GPAM: variants seen among roughly 807,000 people sequenced by gnomAD.
GPAM encodes glycerol-3-phosphate acyltransferase 1, mitochondrial.
Under a neutral mutation model 105.0 loss-of-function variants are expected in GPAM, and 56 were observed. That is an observed-to-expected ratio of 0.53 (90% CI 0.43 to 0.67). The LOEUF (loss-of-function observed/expected upper bound fraction) is 0.67. GPAM is among the 30% of genes least tolerant of loss of function. The probability of loss-of-function intolerance (pLI) is 0.00; values close to 1 mark genes in which losing one functional copy is unlikely to be tolerated. For missense variants in GPAM, 855 were observed against 989.8 expected (o/e 0.86, Z 1.83); for synonymous variants, 368 against 354.4 (o/e 1.04, Z -0.43).
upstream of GPAM, among the ~76,000 whole-genome samples, chr10:112,184,965 C>A (rs1323081546): frequency 6.6e-6 from 1 of 152,132 alleles, no homozygotes; most frequent in African/African-American, 2.4e-5. Context: ...AAAGTTTGCA[C>A]AGGGTAGGAA....
chr10:112,182,309 G>A (rs974243937), intron 2 of GPAM, among the ~76,000 whole-genome samples: 1 of 152,082 alleles, frequency 6.6e-6, no homozygotes, highest in East Asian at 1.9e-4. Context: ...TTAAGTTCCC[G>A]TACTTAAATT....
At chr10:112,204,043 T>C (rs1847831508) in intron 1 of GPAM, among the ~76,000 whole-genome samples, 1 of 152,116 alleles carries the variant, frequency 6.6e-6, no homozygotes, top group Non-Finnish European at 1.5e-5. Context: ...GTGGAGGAGA[T>C]GGCACAGCAG....
intron 11 of GPAM, among the ~76,000 whole-genome samples, chr10:112,167,989 C>G (rs1564677874): frequency 6.6e-6 from 1 of 152,180 alleles, no homozygotes; most frequent in Non-Finnish European, 1.5e-5. Flanking sequence ...GGAGAACAAA[C>G]CGCAGATAAC....
upstream of GPAM, chr10:112,183,810 G>C (rs1452798767): frequency 6.6e-6 from 1 of 152,332 alleles, no homozygotes; most frequent in African/African-American, 2.4e-5. Flanking sequence ...CGGGGCCGCC[G>C]GCTAGCCAGC....
chr10:112,165,357 C>T (rs1172050094), intron 12 of GPAM, among the ~76,000 whole-genome samples: 1 of 152,158 alleles, frequency 6.6e-6, no homozygotes, highest in African/African-American at 2.4e-5. Flanking sequence ...GGATTCTACA[C>T]AATAGGACAT....
At chr10:112,225,483 C>T in the GPAM span, among the ~76,000 whole-genome samples, 2 of 152,278 alleles carry the variant, frequency 1.3e-5, no homozygotes, top group South Asian at 4.1e-4. Flanking sequence ...CCTACCTATG[C>T]CAGCCAGTCA....
intron 14 of GPAM, among the ~76,000 whole-genome samples, chr10:112,163,126 A>G (rs1030265990): frequency 3.9e-5 from 6 of 152,232 alleles, no homozygotes; most frequent in Non-Finnish European, 4.4e-5. Context: ...ACAATTGTAC[A>G]GCTTGGAACT....
chr10:112,162,542 T>A (rs1180308696), intron 14 of GPAM, among the ~76,000 whole-genome samples: 1 of 152,162 alleles, frequency 6.6e-6, no homozygotes, highest in Admixed American at 6.5e-5. Context: ...TAATCTTAAA[T>A]CACGATAACA....
At chr10:112,199,899 T>C (rs145762365) in intron 1 of GPAM, among the ~76,000 whole-genome samples, 2,447 of 152,084 alleles carry the variant, frequency 0.016, 53 homozygotes, top group African/African-American at 0.056. Flanking sequence ...ACTTGACACG[T>C]GGGGATTATT....
chr10:112,206,675 C>T (rs1293497523), intron 1 of GPAM, among the ~76,000 whole-genome samples: 3 of 77,744 alleles, frequency 3.9e-5, no homozygotes, highest in African/African-American at 1.1e-4. Context: ...GTGGTGGGGT[C>T]GGGGGAGGGG....
intron 5 of GPAM, among the ~76,000 whole-genome samples, chr10:112,176,710 C>T (rs1217946544): frequency 6.6e-6 from 1 of 152,214 alleles, no homozygotes; most frequent in Non-Finnish European, 1.5e-5. Context: ...TCCAAGCTCT[C>T]TATGAAATCC....
upstream of GPAM, among the ~76,000 whole-genome samples, chr10:112,185,962 A>G (rs1847591777): frequency 6.6e-6 from 1 of 152,180 alleles, no homozygotes; most frequent in African/African-American, 2.4e-5. Context: ...GGACAGAAAA[A>G]AGCATTTGAA....
upstream of GPAM, among the ~76,000 whole-genome samples, chr10:112,216,260 A>T (rs1361863645): frequency 6.6e-6 from 1 of 152,178 alleles, no homozygotes; most frequent in Non-Finnish European, 1.5e-5. Context: ...TTCAACAGTT[A>T]TTTATTTTGC....
At chr10:112,178,340 A>G (rs975609490) in intron 4 of GPAM, among the ~76,000 whole-genome samples, 2 of 152,142 alleles carry the variant, frequency 1.3e-5, no homozygotes, top group African/African-American at 4.8e-5. Flanking sequence ...ACCTGAGGTC[A>G]TTAGTTTGAG....
chr10:112,155,213 G>A, intron 20 of GPAM: 1 of 170,256 alleles, frequency 5.9e-6, no homozygotes, highest in African/African-American at 2.4e-5. Context: ...ATTCCTTTTG[G>A]CTCTAAAAAG....
At chr10:112,153,870 T>G (rs2803607) in intron 21 of GPAM, 1,430 of 15,270 alleles carry the variant, frequency 0.094, 21 homozygotes, top group African/African-American at 0.44. Flanking sequence ...TCTTTTTCTA[T>G]TTTTTTTTTT....
Position 112,150,132 on chromosome 10 carries a change from G to C in GPAM, c.*3418C>G, listed in dbSNP as rs546958313. On this transcript the variant is annotated 3_prime_UTR_variant, in exon 22 of 22. Coordinates refer to ENST00000348367, the MANE Select transcript of GPAM (RefSeq NM_001244949.2). ...GAATCTCTTTCAAATGCAATCATTA[G>C]TTTGTATTAAACTAAAATGCCAGAC... The C allele has an allele frequency of 1.2e-4, 118 of 984,172 alleles. No homozygotes were observed. In the South Asian group the frequency reaches 4.9e-3, roughly 41 times the overall value. The allele number at this position is 984,172 out of a possible 1,614,324, so 61.0% of individuals were successfully genotyped here. A position where few individuals can be genotyped will look rare whatever the true frequency, so the allele number is the denominator to read the frequency against.
At chr10:112,188,293 T>G (rs1224197750), upstream of GPAM, among the ~76,000 whole-genome samples, 1 of 152,148 alleles carries the variant, frequency 6.6e-6, no homozygotes, top group Non-Finnish European at 1.5e-5. Context: ...CTAGCCAGAT[T>G]CATAAGGAAA....
intron 8 of GPAM, 146 bp downstream of exon 8, chr10:112,172,824 C>A: frequency 1.5e-6 from 1 of 675,416 alleles, no homozygotes. Context: ...CCCAAATACA[C>A]AGCTATTGAA....
Sources: gnomAD v4.1 joint callset for allele counts (sites outside exome capture counted in the v4.1 genomes callset) on GRCh38, gnomAD v4.1.1 for gene constraint, MANE v1.5 for transcripts, NCBI Gene and HGNC (gene_info 2026-07-23, HGNC 2026-07-21) for gene names.